PCDHGC3: variants seen among roughly 807,000 people sequenced by gnomAD.
The protein encoded by PCDHGC3 is protocadherin gamma subfamily C, 3, also known as protocadherin gamma-C3.
In PCDHGC3, 26 loss-of-function variants were observed where a neutral mutation model predicts 59.2. The ratio of observed to expected loss-of-function variants is 0.44; its 90% CI spans 0.32 to 0.61. PCDHGC3 has a LOEUF of 0.61. PCDHGC3 is among the 20% of genes least tolerant of loss of function. The pLI is 0.05. For missense variants in PCDHGC3, 1,080 were observed against 1,221.8 expected (o/e 0.88, Z 1.73); for synonymous variants, 487 against 519.7 (o/e 0.94, Z 0.86).
In PCDHGC3 at chr5:141,493,468, T is replaced by C. The variant is rs960204561; in HGVS notation, c.2431-1339T>C. On this transcript the variant is annotated intron_variant, in intron 1 of 3. Transcript: ENST00000308177. The surrounding 1 kb of genome is among the most constrained non-coding windows in gnomAD (Gnocchi z 4.3). ...TGGGGTTCCTTCCCTTTTAGGACCT[T>C]ACATGTGGGGAAAGTCTTCTGTGGC... Among the ~76,000 whole-genome samples the C allele has an allele frequency of 4.6e-5, 7 of 152,144 alleles. No individual in the cohort carries two copies. Among genetic ancestry groups the C allele is most frequent in the African/African-American group, 1.4e-4 (6 of 41,426 alleles).
In PCDHGC3 at chr5:141,478,279, G is replaced by A. The variant is rs2099443292; in HGVS notation, c.2163G>A (p.Lys721=). The change falls in exon 1 of 4, where the codon AAG becomes AAA. Residue 721 remains lysine (K), a synonymous_variant. Transcript: ENST00000308177. ...GVIIFKVYKW[K]QSRDLYRAPV... ...TCATATTCAAAGTTTACAAGTGGAA[G>A]CAGTCTAGAGACCTATACCGAGCCC... is the stretch of plus-strand genomic sequence containing the variant. 1 of 1,614,202 alleles carries A rather than the reference G, an allele frequency of 6.2e-7. No individual in the cohort carries two copies. The highest frequency in any genetic ancestry group is 1.6e-4 in the Middle Eastern group (1 of 6,062).
At chr5:141,504,462 G>A (rs1375731108) in intron 2 of PCDHGC3, among the ~76,000 whole-genome samples, 5 of 152,074 alleles carry the variant, frequency 3.3e-5, no homozygotes, top group African/African-American at 9.7e-5. Flanking sequence ...TGGGGCAGCC[G>A]CTGGGATGGG....
rs1160156030 is a variant in PCDHGC3 at position 141,477,238 on chromosome 5, C to T, written c.1122C>T (p.Leu374=). 20 of 1,614,094 alleles carry T rather than the reference C, an allele frequency of 1.2e-5. No individual in the cohort carries two copies. The highest frequency in any genetic ancestry group is 5.0e-5 in the Admixed American group (3 of 60,006). The part of the protein sequence containing the change: ...DAPLGTVIAL[L]SVTDLDAGEN... The stretch of plus-strand genomic sequence containing the variant: ...CTCTGGGGACTGTCATCGCTTTGCT[C>T]AGTGTGACTGACCTGGATGCTGGCG... Residue 374 remains leucine, a synonymous_variant, in exon 1 of 4, where the codon CTC becomes CTT. Transcript: ENST00000308177. This position sits in a 1 kb window ranked among gnomAD's most constrained non-coding sequence, Gnocchi z 4.9.
Position 141,490,583 on chromosome 5 carries a change from A to G in PCDHGC3, c.2431-4224A>G, listed in dbSNP as rs2099701693. ...ATCAGGCTCAACATTTCAGATGTCAATGACAATGCACCCCGCTTCAACCAG... is the reference window on the plus strand; with the variant it reads ...ATCAGGCTCAACATTTCAGATGTCAGTGACAATGCACCCCGCTTCAACCAG... On this transcript the variant is annotated intron_variant, in intron 1 of 3. Coordinates refer to ENST00000308177, the MANE Select transcript of PCDHGC3 (RefSeq NM_002588.4). This position sits in a 1 kb window ranked among gnomAD's most constrained non-coding sequence, Gnocchi z 5.4. 2.5e-6 allele frequency: 4 copies of G among 1,614,138 alleles called. No homozygotes were observed. Among genetic ancestry groups the G allele is most frequent in the African/African-American group, 1.3e-5 (1 of 75,032 alleles).
intron 1 of PCDHGC3, 73 bp downstream of exon 1, chr5:141,478,619 A>G: frequency 6.4e-7 from 1 of 1,555,598 alleles, no homozygotes; most frequent in Non-Finnish European, 8.7e-7. Context: ...GAAGGAATGG[A>G]GCTGTTTTTT....
In PCDHGC3 at chr5:141,490,378, G is replaced by A; in HGVS notation, c.2431-4429G>A. On this transcript the variant is annotated intron_variant, in intron 1 of 3. Transcript: ENST00000308177. The surrounding 1 kb of genome is among the most constrained non-coding windows in gnomAD (Gnocchi z 5.4). The stretch of plus-strand genomic sequence containing the variant: ...GTTTAATGTGCGAGACCGGGACTCA[G>A]GTAGAAATGGTGAAGTGAGCCTTGA... 1 of 1,614,214 alleles carries A rather than the reference G, an allele frequency of 6.2e-7. No homozygotes were observed. The highest frequency in any genetic ancestry group is 1.1e-5 in the South Asian group (1 of 91,086).
Position 141,486,954 on chromosome 5 carries a change from C to T in PCDHGC3, c.2431-7853C>T, listed in dbSNP as rs764632268. 3.7e-6 allele frequency: 6 copies of T among 1,614,114 alleles called. 1 individual carries two copies. The South Asian group carries it at 6.6e-5, about 18-fold the overall frequency. On this transcript the variant is annotated intron_variant, in intron 1 of 3. Coordinates refer to ENST00000308177, the MANE Select transcript of PCDHGC3 (RefSeq NM_002588.4). The surrounding 1 kb of genome is among the most constrained non-coding windows in gnomAD (Gnocchi z 5.0). ...GCTGGCCACCTAATCACAAAGGTGA[C>T]TGCTGTGGACTTGGATTCAGGTTAC...
At chr5:141,478,821 A>G (rs72790063) in intron 1 of PCDHGC3, 38,524 of 1,444,166 alleles carry the variant, frequency 0.027, 650 homozygotes, top group East Asian at 0.045. Flanking sequence ...CAACTAACCA[A>G]TCTTGCTAAG....
Position 141,487,298 on chromosome 5 carries a change from G to T in PCDHGC3, c.2431-7509G>T. 6.2e-7 allele frequency: 1 copy of T among 1,614,072 alleles called. No individual in the cohort carries two copies. Among genetic ancestry groups the T allele is most frequent in the Non-Finnish European group, 8.5e-7 (1 of 1,180,018 alleles). ...TTGCTTTGTCTCCTTTGGCTCATTC[G>T]TGGCACTACTCTCTAAGTGTCTTCG... On this transcript the variant is annotated intron_variant, in intron 1 of 3. Coordinates refer to ENST00000308177, the MANE Select transcript of PCDHGC3 (RefSeq NM_002588.4). This position sits in a 1 kb window ranked among gnomAD's most constrained non-coding sequence, Gnocchi z 5.0.
At chr5:141,499,908 G>A (rs903753761) in intron 2 of PCDHGC3, among the ~76,000 whole-genome samples, 2 of 151,980 alleles carry the variant, frequency 1.3e-5, no homozygotes, top group African/African-American at 2.4e-5. Flanking sequence ...GGCTGGTCTT[G>A]AACTCCTGGC....
In PCDHGC3 at chr5:141,490,084, G is replaced by A. The variant is rs772917260; in HGVS notation, c.2431-4723G>A. The A allele has an allele frequency of 4.3e-6, 7 of 1,614,104 alleles. No individual in the cohort carries two copies. ...CAACGGCCAACTAGACTATTCTTTT[G>A]GAGACCACACATCTGAGGCAGTGCG... On this transcript the variant is annotated intron_variant, in intron 1 of 3. Transcript: ENST00000308177. The surrounding 1 kb of genome is among the most constrained non-coding windows in gnomAD (Gnocchi z 5.4).
chr5:141,485,958 T>C lies in PCDHGC3; in HGVS notation c.2430+7412T>C. On this transcript the variant is annotated intron_variant, in intron 1 of 3. Transcript: ENST00000308177. The surrounding 1 kb of genome is among the most constrained non-coding windows in gnomAD (Gnocchi z 5.7). ...AGCGCACCAGCGGGCATGGTGCTCATCCAGCTCAATGCCTCAGACCCGGAC... is the reference window on the plus strand; with the variant it reads ...AGCGCACCAGCGGGCATGGTGCTCACCCAGCTCAATGCCTCAGACCCGGAC... 1 of 1,614,190 alleles carries C rather than the reference T, an allele frequency of 6.2e-7. No individual in the cohort carries two copies. The highest frequency in any genetic ancestry group is 8.5e-7 in the Non-Finnish European group (1 of 1,180,032).
rs753581561 is a variant in PCDHGC3, at chr5:141,485,195, T to G, written c.2430+6649T>G. 2.2e-5 allele frequency: 36 copies of G among 1,613,912 alleles called. No homozygotes were observed. Among genetic ancestry groups the G allele is most frequent in the Non-Finnish European group, 1.4e-5 (16 of 1,179,906 alleles). ...AGCAATGCTCCGCAAGGTGAGAAGC[T>G]GGACAGAAATCTGGCGGTGGGCTAC... is the stretch of plus-strand genomic sequence containing the variant. On this transcript the variant is annotated intron_variant, in intron 1 of 3. Transcript: ENST00000308177. The surrounding 1 kb of genome is among the most constrained non-coding windows in gnomAD (Gnocchi z 5.7).
At position 141,480,524 on chromosome 5, in the gene PCDHGC3, AAAG is replaced by A. The variant is rs1342230573; in HGVS notation, c.2430+1979_2430+1981del. Among the ~76,000 whole-genome samples, 4 of 127,792 alleles carry A rather than the reference AAAG, an allele frequency of 3.1e-5. No homozygotes were observed. The East Asian group carries it at 7.7e-4, about 25-fold the overall frequency. 83.8% of individuals were successfully genotyped at this position (127,792 alleles called of 152,430 possible). On this transcript the variant is annotated intron_variant, in intron 1 of 3. Transcript: ENST00000308177. Reference sequence around the variant, plus strand: ...ACATATGAGAACAACCAAAAATGACAAAGTAGAAGCACATATGAAAAGGCTAAG... The same window carrying A: ...ACATATGAGAACAACCAAAAATGACATAGAAGCACATATGAAAAGGCTAAG...
chr5:141,489,800 A>G lies in PCDHGC3; in HGVS notation c.2431-5007A>G. 6.2e-7 allele frequency: 1 copy of G among 1,614,166 alleles called. No homozygotes were observed. Among genetic ancestry groups the G allele is most frequent in the Non-Finnish European group, 8.5e-7 (1 of 1,179,994 alleles). On this transcript the variant is annotated intron_variant, in intron 1 of 3. Coordinates refer to ENST00000308177, the MANE Select transcript of PCDHGC3 (RefSeq NM_002588.4). This position sits in a 1 kb window ranked among gnomAD's most constrained non-coding sequence, Gnocchi z 4.5. ...TCTCTGAATGTGAAGACCCTAAAAG[A>G]TGGGAAGCCATTCCCAGAGCTGGTG...
chr5:141,484,962 G>A (rs2099604361), intron 1 of PCDHGC3: 1 of 577,858 alleles, frequency 1.7e-6, no homozygotes, highest in Non-Finnish European at 3.1e-6. Flanking sequence ...GGCTGAGCCC[G>A]GGAGCCGCTG....
At chr5:141,496,080 C>G (rs2099765822) in intron 2 of PCDHGC3, among the ~76,000 whole-genome samples, 2 of 152,150 alleles carry the variant, frequency 1.3e-5, no homozygotes, top group East Asian at 1.9e-4. Context: ...ACACAACCCC[C>G]CACCCACCAC....
In PCDHGC3 at chr5:141,486,334, C is replaced by T; in HGVS notation, c.2430+7788C>T. 1.2e-6 allele frequency: 2 copies of T among 1,614,098 alleles called. No individual in the cohort carries two copies. ...CAGGGTCAAACGGAGATGTGAGCCT[C>T]CGCATTCCTGACCACTTGCCATTTG... On this transcript the variant is annotated intron_variant, in intron 1 of 3. Coordinates refer to ENST00000308177, the MANE Select transcript of PCDHGC3 (RefSeq NM_002588.4). This position sits in a 1 kb window ranked among gnomAD's most constrained non-coding sequence, Gnocchi z 5.0.
Position 141,490,711 on chromosome 5 carries a change from T to C in PCDHGC3, c.2431-4096T>C. ...CACTGGGGATAATGCCCGCCTCACC[T>C]ACTCCATTGTAGGAAATCAGGTTCA... On this transcript the variant is annotated intron_variant, in intron 1 of 3. Transcript: ENST00000308177. The surrounding 1 kb of genome is among the most constrained non-coding windows in gnomAD (Gnocchi z 5.4). The C allele has an allele frequency of 6.2e-7, 1 of 1,614,200 alleles. No individual in the cohort carries two copies. Among genetic ancestry groups the C allele is most frequent in the Non-Finnish European group, 8.5e-7 (1 of 1,180,002 alleles).
Sources: gnomAD v4.1 joint callset for allele counts (sites outside exome capture counted in the v4.1 genomes callset) on GRCh38, gnomAD v4.1.1 for gene constraint, Gnocchi (gnomAD v3.1) non-coding constraint, MANE v1.5 for transcripts, NCBI Gene and HGNC (gene_info 2026-07-23, HGNC 2026-07-21) for gene names.